Variants in SNTG1 observed in about 807,000 individuals in gnomAD.
SNTG1 encodes gamma-1-syntrophin.
Under a neutral mutation model 74.7 loss-of-function variants are expected in SNTG1, and 39 were observed. That is an observed-to-expected ratio of 0.52 (90% confidence interval 0.40 to 0.68). The LOEUF (loss-of-function observed/expected upper bound fraction) is 0.68. Ranked by LOEUF, SNTG1 falls within the 30% of genes least tolerant of loss-of-function variation. SNTG1 has a pLI of 0.00. For synonymous variants in SNTG1, 254 were observed against 217.1 expected, an observed-to-expected ratio of 1.17 and a Z score of -1.49; for missense variants, 685 against 609.5, an observed-to-expected ratio of 1.12 and a Z score of -1.30.
intron 1 of SNTG1, among the ~76,000 whole-genome samples, chr8:49,999,105 C>G (rs888440157): frequency 6.6e-6 from 1 of 152,118 alleles, no homozygotes; most frequent in Admixed American, 6.5e-5. Context: ...TTTAACCGAA[C>G]CATCATTGTG....
intron 1 of SNTG1, among the ~76,000 whole-genome samples, chr8:49,984,263 T>C (rs1812948397): frequency 6.6e-6 from 1 of 152,028 alleles, no homozygotes; most frequent in Admixed American, 6.6e-5. Flanking sequence ...TGGAGTGCAA[T>C]GACATGATCT....
intron 2 of SNTG1, among the ~76,000 whole-genome samples, chr8:50,273,830 G>A (rs1379095517): frequency 6.6e-6 from 1 of 152,158 alleles, no homozygotes; most frequent in Non-Finnish European, 1.5e-5. Flanking sequence ...AGGGAGAAGA[G>A]TGATGAGAGA....
intron 17 of SNTG1, among the ~76,000 whole-genome samples, chr8:50,739,583 G>C (rs1039949258): frequency 6.6e-6 from 1 of 151,340 alleles, no homozygotes; most frequent in Non-Finnish European, 1.5e-5. Context: ...ATGTGGGGCT[G>C]GGGGAGGGAT....
chr8:50,405,020 G>T (rs2092853637), intron 4 of SNTG1, among the ~76,000 whole-genome samples: 1 of 152,024 alleles, frequency 6.6e-6, no homozygotes, highest in African/African-American at 2.4e-5. Context: ...ATTCCATTGT[G>T]TATTTATACC....
intron 1 of SNTG1, among the ~76,000 whole-genome samples, chr8:50,104,065 G>T (rs547929340): frequency 2.6e-5 from 4 of 152,292 alleles, no homozygotes; most frequent in South Asian, 4.1e-4. Flanking sequence ...TCAGGATGAT[G>T]CTGGCCTCAT....
intron 1 of SNTG1, among the ~76,000 whole-genome samples, chr8:50,084,533 T>C (rs567152646): frequency 6.6e-6 from 1 of 152,354 alleles, no homozygotes; most frequent in African/African-American, 2.4e-5. Context: ...AAAATCTATA[T>C]GACCTCAGAT....
intron 15 of SNTG1, among the ~76,000 whole-genome samples, chr8:50,693,219 C>T (rs372545466): frequency 3.1e-4 from 47 of 152,136 alleles, no homozygotes; most frequent in South Asian, 8.3e-4. Context: ...GGTGATGCCT[C>T]GCCCTGCTTC....
chr8:50,632,377 C>T (rs976864156), intron 13 of SNTG1, among the ~76,000 whole-genome samples: 1 of 151,672 alleles, frequency 6.6e-6, no homozygotes, highest in Non-Finnish European at 1.5e-5. Flanking sequence ...GTGTTGCAAT[C>T]TCGGCTCACT....
intron 2 of SNTG1, among the ~76,000 whole-genome samples, chr8:50,296,092 C>A (rs181075280): frequency 6.6e-6 from 1 of 152,072 alleles, no homozygotes; most frequent in East Asian, 1.9e-4. Flanking sequence ...CTCACAGCTC[C>A]CCAGGAGAGA....
chr8:50,608,267 T>C (rs2094826922), intron 13 of SNTG1, among the ~76,000 whole-genome samples: 1 of 151,732 alleles, frequency 6.6e-6, no homozygotes, highest in Admixed American at 6.6e-5. Flanking sequence ...ACTATTCAGT[T>C]AGTTTTTCTA....
chr8:50,606,119 C>T (rs1004586431), intron 13 of SNTG1, among the ~76,000 whole-genome samples: 6 of 152,000 alleles, frequency 3.9e-5, no homozygotes, highest in Admixed American at 1.3e-4. Flanking sequence ...TGTTTTTATT[C>T]GAAGTAATTT....
intron 1 of SNTG1, among the ~76,000 whole-genome samples, chr8:49,940,355 T>A (rs1552380): frequency 0.52 from 78,523 of 152,048 alleles, 22,844 homozygotes; most frequent in East Asian, 0.82. Flanking sequence ...TGGTGGTTGG[T>A]TAGCTTAGCG....
intron 13 of SNTG1, among the ~76,000 whole-genome samples, chr8:50,624,045 A>G (rs1044782425): frequency 1.3e-5 from 2 of 152,036 alleles, no homozygotes; most frequent in African/African-American, 4.8e-5. Flanking sequence ...TACTAATTCA[A>G]TAAACAGGCT....
chr8:50,214,885 T>C (rs551091573), intron 2 of SNTG1, among the ~76,000 whole-genome samples: 2 of 152,336 alleles, frequency 1.3e-5, no homozygotes, highest in Admixed American at 1.3e-4. Context: ...AATAGTAACA[T>C]GCTAGAAGCA....
chr8:50,321,337 T>G (rs2090519980), intron 2 of SNTG1, among the ~76,000 whole-genome samples: 1 of 152,116 alleles, frequency 6.6e-6, no homozygotes. Context: ...TTGTCTGATA[T>G]AAGTGTAGCA....
intron 8 of SNTG1, among the ~76,000 whole-genome samples, chr8:50,461,145 G>C (rs551255086): frequency 4.1e-4 from 59 of 143,932 alleles, no homozygotes; most frequent in Admixed American, 3.2e-3. Flanking sequence ...TCCTTCAGCT[G>C]AGATTTTTCT....
chr8:50,025,865 T>G (rs1230390897), intron 1 of SNTG1, among the ~76,000 whole-genome samples: 1 of 152,198 alleles, frequency 6.6e-6, no homozygotes, highest in Non-Finnish European at 1.5e-5. Flanking sequence ...TCCTACTGAT[T>G]GTAGTGAAGA....
intron 2 of SNTG1, among the ~76,000 whole-genome samples, chr8:50,246,380 C>T (rs891201280): frequency 1.3e-5 from 2 of 152,018 alleles, no homozygotes; most frequent in Non-Finnish European, 2.9e-5. Flanking sequence ...TCAAGTTTAA[C>T]ACACTTTTGT....
chr8:50,110,831 G>A (rs371023539), intron 1 of SNTG1, among the ~76,000 whole-genome samples: 1 of 151,970 alleles, frequency 6.6e-6, no homozygotes, highest in Admixed American at 6.6e-5. Context: ...ACAAAAATTG[G>A]CCCCTGGCTA....
Sources: gnomAD v4.1 joint callset for allele counts (sites outside exome capture counted in the v4.1 genomes callset) on GRCh38, gnomAD v4.1.1 for gene constraint, MANE v1.5 for transcripts, NCBI Gene and HGNC (gene_info 2026-07-23, HGNC 2026-07-21) for gene names.